Variants in CDCP2 observed in about 807,000 individuals in gnomAD.
CDCP2 encodes CUB domain containing protein 2.
CDCP2 carries 31 observed loss-of-function variants against 31.0 expected under a neutral mutation model. That is an observed-to-expected ratio of 1.00 (90% CI 0.75 to 1.35). The LOEUF (loss-of-function observed/expected upper bound fraction) is 1.35, where lower values mean the gene tolerates loss of function less well. CDCP2 is among the 40% of genes most tolerant of loss of function. The pLI, the probability that CDCP2 is intolerant of heterozygous loss-of-function variation, is 0.00. For synonymous variants in CDCP2, 206 were observed against 207.9 expected, an observed-to-expected ratio of 0.99 and a Z score of 0.08; for missense variants, 443 against 482.6, an observed-to-expected ratio of 0.92 and a Z score of 0.77.
At chr1:54,150,313 G>A (rs549940438) in intron 1 of CDCP2, among the ~76,000 whole-genome samples, 3 of 152,130 alleles carry the variant, frequency 2.0e-5, no homozygotes, top group African/African-American at 4.8e-5. Context: ...AATTATTAAC[G>A]GCCAGGCGTG....
intron 5 of CDCP2, 28 bp from the exon 6 acceptor site, chr1:54,133,322 C>A (rs1292555602): frequency 2.5e-6 from 1 of 398,874 alleles, no homozygotes; most frequent in Non-Finnish European, 4.4e-6. Flanking sequence ...ACTCATCACA[C>A]CTGAAGGAGC....
intron 3 of CDCP2, chr1:54,140,336 C>T: frequency 1.7e-6 from 1 of 580,850 alleles, no homozygotes; most frequent in South Asian, 2.0e-5. Flanking sequence ...GACTTGCATT[C>T]CAGTTGACAG....
chr1:54,146,886 G>T (rs1659481413), intron 1 of CDCP2, among the ~76,000 whole-genome samples: 1 of 151,390 alleles, frequency 6.6e-6, no homozygotes, highest in African/African-American at 2.4e-5. Flanking sequence ...GACCAGCCTG[G>T]GCAACATGGC....
chr1:54,140,827 C>A (rs1030951096), intron 3 of CDCP2: 22 of 342,542 alleles, frequency 6.4e-5, no homozygotes, highest in Admixed American at 3.4e-4. Context: ...GCAAACCACA[C>A]ACAGAAGTGA....
exon 4 of CDCP2, chr1:54,140,007 C>A (rs149009344): frequency 1.2e-6 from 2 of 1,613,980 alleles, no homozygotes; most frequent in Non-Finnish European, 1.7e-6. Context: ...CGGGGGCAGG[C>A]GGATGGTCCA....
At chr1:54,149,197 G>A (rs1011030881) in intron 1 of CDCP2, among the ~76,000 whole-genome samples, 1 of 151,372 alleles carries the variant, frequency 6.6e-6, no homozygotes, top group African/African-American at 2.4e-5. Flanking sequence ...CAGCACTGTA[G>A]TCCAGCCTGG....
chr1:54,151,966 T>G (rs549955343), intron 1 of CDCP2, among the ~76,000 whole-genome samples: 3 of 152,150 alleles, frequency 2.0e-5, no homozygotes, highest in Admixed American at 2.0e-4. Flanking sequence ...CAGCAGGGCT[T>G]AAGATCCCTG....
intron 4 of CDCP2, chr1:54,139,467 G>T: frequency 1.4e-6 from 2 of 1,438,960 alleles, no homozygotes; most frequent in South Asian, 2.5e-5. Flanking sequence ...CACAAGAGGG[G>T]CCAGGGGCCC....
chr1:54,141,315 G>C, exon 3 of CDCP2: 1 of 1,614,248 alleles, frequency 6.2e-7, no homozygotes, highest in Non-Finnish European at 8.5e-7. Context: ...CCAGCTTGAC[G>C]TGGGCAGGGC....
At chr1:54,144,949 A>T in intron 1 of CDCP2, 136 bp from the exon 2 acceptor site, 1 of 629,760 alleles carries the variant, frequency 1.6e-6, no homozygotes, top group South Asian at 2.0e-5. Context: ...TTATTTGCTC[A>T]TGCATCTACT....
exon 4 of CDCP2, chr1:54,140,085 A>G (rs753339746): frequency 6.2e-6 from 10 of 1,613,346 alleles, no homozygotes; most frequent in East Asian, 4.5e-5. Context: ...CCGCATGGCC[A>G]TGTATACCTC....
chr1:54,147,343 G>A (rs1359189994), intron 1 of CDCP2, among the ~76,000 whole-genome samples: 3 of 151,564 alleles, frequency 2.0e-5, no homozygotes, highest in Non-Finnish European at 2.9e-5. Flanking sequence ...CATCTACTTG[G>A]CCTTTCCTAT....
intron 5 of CDCP2, among the ~76,000 whole-genome samples, chr1:54,135,764 G>A (rs1469605972): frequency 1.3e-5 from 2 of 152,152 alleles, no homozygotes; most frequent in Admixed American, 1.3e-4. Flanking sequence ...GTTGCCAGGA[G>A]GCTGGGGCAG....
chr1:54,148,634 G>A (rs1227171908), intron 1 of CDCP2, among the ~76,000 whole-genome samples: 3 of 151,716 alleles, frequency 2.0e-5, no homozygotes, highest in African/African-American at 7.3e-5. Context: ...ATTCCATGAG[G>A]ACATATTTGG....
chr1:54,133,039 C>A (rs1035036814), exon 6 of CDCP2: 19 of 398,986 alleles, frequency 4.8e-5, no homozygotes, highest in Non-Finnish European at 7.5e-5. Flanking sequence ...CCCAGGAAGA[C>A]GATGTCACTG....
intron 2 of CDCP2, chr1:54,142,528 G>T (rs940066675): frequency 6.6e-6 from 1 of 152,280 alleles, no homozygotes; most frequent in African/African-American, 2.4e-5. Context: ...TACACGGCAA[G>T]TGTGGGTGAA....
At position 54,147,779 on chromosome 1, in the gene CDCP2, C is replaced by G. The variant is rs550659023; in HGVS notation, c.80-2966G>C. On this transcript the variant is annotated intron_variant, in intron 1 of 5. Coordinates refer to ENST00000530059, the Ensembl canonical transcript of CDCP2. Reference sequence around the variant, plus strand: ...ATCCCAGCAATTTGGGAGGGCAAGGCAGGAGGATCACTTGAGTCCAGGAGT... The same window carrying G: ...ATCCCAGCAATTTGGGAGGGCAAGGGAGGAGGATCACTTGAGTCCAGGAGT... Among the ~76,000 whole-genome samples, 11 of 151,794 alleles carry G rather than the reference C, an allele frequency of 7.2e-5. No homozygotes were observed. The South Asian group carries it at 8.3e-4, about 11-fold the overall frequency.
chr1:54,143,651 G>A (rs888705994), intron 2 of CDCP2: 2 of 152,110 alleles, frequency 1.3e-5, no homozygotes, highest in East Asian at 3.9e-4. Context: ...CAGTGACTGG[G>A]GTCCCACCTG....
exon 6 of CDCP2, chr1:54,133,207 G>A (rs917258532): frequency 1.5e-5 from 6 of 398,982 alleles, no homozygotes; most frequent in African/African-American, 6.2e-5. Context: ...GGCTCACAGC[G>A]GACCTCGTAC....
Sources: gnomAD v4.1 joint callset for allele counts (sites outside exome capture counted in the v4.1 genomes callset) on GRCh38, gnomAD v4.1.1 for gene constraint, MANE v1.5 for transcripts, NCBI Gene and HGNC (gene_info 2026-07-23, HGNC 2026-07-21) for gene names.